Variants in KCNT2 observed in about 807,000 individuals in gnomAD.
KCNT2 encodes the protein potassium sodium-activated channel subfamily T member 2, also known as potassium channel subfamily T member 2.
In KCNT2, 67 loss-of-function variants were observed where a neutral mutation model predicts 153.8. That is an observed-to-expected ratio of 0.44 (90% confidence interval 0.36 to 0.53). The LOEUF (loss-of-function observed/expected upper bound fraction) is 0.53, where lower values mean the gene tolerates loss of function less well. KCNT2 is among the 20% of genes least tolerant of loss of function. KCNT2 has a pLI of 0.00. For missense variants in KCNT2, 975 were observed against 1,354.8 expected, an observed-to-expected ratio of 0.72 and a Z score of 4.40; for synonymous variants, 500 against 458.8, an observed-to-expected ratio of 1.09 and a Z score of -1.15.
chr1:196,371,059 G>T (rs760489909), intron 14 of KCNT2, among the ~76,000 whole-genome samples: 2 of 151,466 alleles, frequency 1.3e-5, no homozygotes, highest in African/African-American at 4.9e-5. Flanking sequence ...AATTCTTTAC[G>T]TTCATTTATT....
chr1:196,497,063 A>T (rs113712061), intron 1 of KCNT2, among the ~76,000 whole-genome samples: 7 of 152,138 alleles, frequency 4.6e-5, no homozygotes, highest in Non-Finnish European at 1.0e-4. Flanking sequence ...TTTTGGGGGG[A>T]AAAAAGTCAA....
chr1:196,484,028 A>G (rs1679219377), intron 3 of KCNT2, among the ~76,000 whole-genome samples: 1 of 152,194 alleles, frequency 6.6e-6, no homozygotes, highest in Admixed American at 6.5e-5. Context: ...GTCAGAGTGA[A>G]GAGGGATAGA....
At chr1:196,406,143 TGTTA>T (rs1671812270) in intron 12 of KCNT2, among the ~76,000 whole-genome samples, 4 of 151,456 alleles carry the variant, frequency 2.6e-5, no homozygotes, top group African/African-American at 9.7e-5. Context: ...ATATGTAGAC[TGTTA>T]AAAAGTATAA....
chr1:196,363,493 T>C (rs1667791071), intron 14 of KCNT2, among the ~76,000 whole-genome samples: 1 of 152,162 alleles, frequency 6.6e-6, no homozygotes, highest in Admixed American at 6.6e-5. Context: ...CTAAAGTTCA[T>C]GTGTTGGAAA....
chr1:196,496,810 A>AT (rs2148749613), intron 1 of KCNT2, among the ~76,000 whole-genome samples: 1 of 152,304 alleles, frequency 6.6e-6, no homozygotes, highest in African/African-American at 2.4e-5. Context: ...TGCTACGATC[A>AT]TTTAGACACA....
At chr1:196,283,968 C>T (rs1659376906) in intron 23 of KCNT2, among the ~76,000 whole-genome samples, 1 of 151,520 alleles carries the variant, frequency 6.6e-6, no homozygotes, top group Admixed American at 6.6e-5. Flanking sequence ...CAGTGGCTCA[C>T]ACCTGTAATC....
chr1:196,501,368 AAC>A (rs1680683400), intron 1 of KCNT2, among the ~76,000 whole-genome samples: 1 of 152,156 alleles, frequency 6.6e-6, no homozygotes, highest in African/African-American at 2.4e-5. Flanking sequence ...TACACACACA[AAC>A]ACACATACAC....
At chr1:196,433,069 C>A (rs1238709789) in intron 8 of KCNT2, among the ~76,000 whole-genome samples, 1 of 152,018 alleles carries the variant, frequency 6.6e-6, no homozygotes, top group Non-Finnish European at 1.5e-5. Flanking sequence ...GGGTGAGAAC[C>A]AGCTGGGCTG....
chr1:196,358,203 C>T (rs1015694973), intron 14 of KCNT2, among the ~76,000 whole-genome samples: 1 of 151,460 alleles, frequency 6.6e-6, no homozygotes, highest in Non-Finnish European at 1.5e-5. Flanking sequence ...ATCTAAAATC[C>T]TAAATATTTC....
chr1:196,294,981 A>G (rs1160406367), intron 22 of KCNT2, among the ~76,000 whole-genome samples: 3 of 151,798 alleles, frequency 2.0e-5, no homozygotes, highest in Admixed American at 2.0e-4. Flanking sequence ...ATTGCAAAAA[A>G]AAAATGCTAA....
At chr1:196,536,025 C>T (rs1185937819) in intron 1 of KCNT2, among the ~76,000 whole-genome samples, 1 of 152,256 alleles carries the variant, frequency 6.6e-6, no homozygotes, top group African/African-American at 2.4e-5. Flanking sequence ...GGCAGGGACA[C>T]ATGCCCACAA....
At chr1:196,494,816 G>T (rs1680128279) in intron 1 of KCNT2, among the ~76,000 whole-genome samples, 1 of 152,100 alleles carries the variant, frequency 6.6e-6, no homozygotes, top group African/African-American at 2.4e-5. Context: ...TATTAAAATG[G>T]AATGACACAT....
At chr1:196,486,768 A>AG (rs988849134) in intron 3 of KCNT2, among the ~76,000 whole-genome samples, 1 of 151,934 alleles carries the variant, frequency 6.6e-6, no homozygotes, top group Non-Finnish European at 1.5e-5. Context: ...ATAAAACAGG[A>AG]GGGTAAATTA....
In KCNT2 at chr1:196,502,044, G is replaced by T. The variant is rs1680745527; in HGVS notation, c.96-9703C>A. Among the ~76,000 whole-genome samples the T allele has an allele frequency of 2.0e-5, 3 of 152,098 alleles. No homozygotes were observed. The South Asian group carries it at 6.2e-4, about 32-fold the overall frequency. On this transcript the variant is annotated intron_variant, in intron 1 of 27. Coordinates refer to ENST00000294725, the MANE Select transcript of KCNT2 (RefSeq NM_198503.5). ...AGGCAGGAGAATTGCTTGAACCCTG[G>T]AGTCAGAGGTTGCAGTGAGTTGAGA...
chr1:196,386,807 G>A (rs766455475), intron 13 of KCNT2, among the ~76,000 whole-genome samples: 1 of 152,066 alleles, frequency 6.6e-6, no homozygotes, highest in Non-Finnish European at 1.5e-5. Flanking sequence ...TGATTATACA[G>A]CATAGCTTGA....
intron 18 of KCNT2, among the ~76,000 whole-genome samples, chr1:196,330,868 G>A (rs1664390769): frequency 6.6e-6 from 1 of 151,906 alleles, no homozygotes; most frequent in Admixed American, 6.6e-5. Flanking sequence ...GGAGACTTTG[G>A]TTGTTGAGGG....
chr1:196,270,744 T>A (rs113143207), intron 25 of KCNT2, among the ~76,000 whole-genome samples: 1,638 of 152,120 alleles, frequency 0.011, 32 homozygotes, highest in African/African-American at 0.035. Flanking sequence ...TGTATGTGTG[T>A]GTGCGTGTAA....
intron 21 of KCNT2, among the ~76,000 whole-genome samples, chr1:196,315,349 A>G (rs377152001): frequency 2.6e-5 from 4 of 151,662 alleles, no homozygotes; most frequent in African/African-American, 9.7e-5. Flanking sequence ...GTTTACTCTT[A>G]CCCAAAGACA....
chr1:196,285,428 A>G (rs545202351), intron 23 of KCNT2, among the ~76,000 whole-genome samples: 1 of 152,288 alleles, frequency 6.6e-6, no homozygotes, highest in Admixed American at 6.5e-5. Flanking sequence ...GGTACAAAAG[A>G]ATGCCTGAAA....
Sources: gnomAD v4.1 joint callset for allele counts (sites outside exome capture counted in the v4.1 genomes callset) on GRCh38, gnomAD v4.1.1 for gene constraint, MANE v1.5 for transcripts, NCBI Gene and HGNC (gene_info 2026-07-23, HGNC 2026-07-21) for gene names.